The following IL17RD variants were observed in gnomAD, a reference collection of about 807,000 sequenced individuals.
IL17RD encodes interleukin 17 receptor D.
A neutral mutation model predicts 80.5 loss-of-function variants in IL17RD; 52 were observed. The ratio of observed to expected loss-of-function variants is 0.65; its 90% CI spans 0.52 to 0.81. The LOEUF (loss-of-function observed/expected upper bound fraction) is 0.81. IL17RD is among the 40% of genes least tolerant of loss of function. The pLI is 0.00. For synonymous variants in IL17RD, 416 were observed against 391.8 expected (o/e 1.06, Z -0.73); for missense variants, 1,024 against 955.1 (o/e 1.07, Z -0.95).
In IL17RD at chr3:57,093,141, T is replaced by C. The variant is rs181224704; in HGVS notation, c.*3252A>G. On this transcript the variant is annotated 3_prime_UTR_variant, in exon 13 of 13. Transcript: ENST00000296318. ...TTCCCTATTGCTGACACAGACAAAG[T>C]ATATTAATTACCATTTATCATCACA... is the stretch of plus-strand genomic sequence containing the variant. 6.6e-6 allele frequency: 1 copy of C among 152,270 alleles called. No homozygotes were observed. The highest frequency in any genetic ancestry group is 6.5e-5 in the Admixed American group (1 of 15,286). The allele number at this position is 152,270 out of a possible 1,614,324, so 9.4% of individuals were successfully genotyped here.
rs1017353321 is a variant in IL17RD at position 57,120,442 on chromosome 3, A to C, written c.127-129T>G. The stretch of plus-strand genomic sequence containing the variant: ...TCATGCCAGTCCCCGGACATCATCC[A>C]CCACTCTTTCTGCCCGCTTCATGGC... On this transcript the variant is annotated intron_variant, in intron 1 of 12. Transcript: ENST00000296318. The C allele has an allele frequency of 1.6e-5, 11 of 680,634 alleles. No individual in the cohort carries two copies. In the African/African-American group the frequency reaches 1.9e-4, roughly 12 times the overall value. The allele number at this position is 680,634 out of a possible 1,614,324, so 42.2% of individuals were successfully genotyped here.
chr3:57,168,997 C>T (rs923123441), upstream of IL17RD, among the ~76,000 whole-genome samples: 9 of 152,242 alleles, frequency 5.9e-5, 1 homozygote, highest in Non-Finnish European at 7.3e-5. Flanking sequence ...GGATTAAAGG[C>T]GTGAGCCGCC....
At chr3:57,167,092 C>T (rs2060351626), upstream of IL17RD, among the ~76,000 whole-genome samples, 1 of 152,226 alleles carries the variant, frequency 6.6e-6, no homozygotes, top group Non-Finnish European at 1.5e-5. Context: ...AAGTGTGAAA[C>T]AGTGCTTGCC....
intron 1 of IL17RD, among the ~76,000 whole-genome samples, chr3:57,130,936 C>A (rs544330213): frequency 6.6e-6 from 1 of 152,188 alleles, no homozygotes; most frequent in African/African-American, 2.4e-5. Flanking sequence ...TGAGGCCAGC[C>A]GCCTGGGAGC....
At chr3:57,139,529 T>C (rs1359334646) in intron 1 of IL17RD, among the ~76,000 whole-genome samples, 1 of 151,330 alleles carries the variant, frequency 6.6e-6, no homozygotes, top group Non-Finnish European at 1.5e-5. Context: ...TTTTTTTTTT[T>C]TTGAGACGGG....
rs146518310 is a variant in IL17RD at position 57,120,281 on chromosome 3, C to T, written c.159G>A (p.Leu53=). The T allele has an allele frequency of 6.8e-5, 110 of 1,613,606 alleles. No homozygotes were observed. In the African/African-American group the frequency reaches 9.5e-4, roughly 14 times the overall value. Residue 53 remains leucine (L), a synonymous_variant, in exon 2 of 13, where the codon CTG becomes CTA. Transcript: ENST00000296318. The stretch of plus-strand genomic sequence containing the variant: ...TGTCATATTTGAAGGTGATGTTGTA[C>T]AGCCCACTGTTTCTGCTGGCTGGCC... ...GVGPASRNSG[L]YNITFKYDNC...
At chr3:57,108,509 CTTTTTTTTTT>C (rs34594516) in intron 5 of IL17RD, among the ~76,000 whole-genome samples, 2 of 49,164 alleles carry the variant, frequency 4.1e-5, no homozygotes, top group East Asian at 7.8e-4. Flanking sequence ...TGATACATGG[CTTTTTTTTTT>C]TTTTTTTTTT....
intron 1 of IL17RD, among the ~76,000 whole-genome samples, chr3:57,160,390 A>T (rs920577259): frequency 2.0e-5 from 3 of 152,118 alleles, no homozygotes; most frequent in African/African-American, 7.2e-5. Flanking sequence ...TTTGTTGGGA[A>T]GTTGTAAGAT....
chr3:57,099,841 T>C (rs1706785635), intron 11 of IL17RD, among the ~76,000 whole-genome samples: 1 of 152,240 alleles, frequency 6.6e-6, no homozygotes, highest in Admixed American at 6.5e-5. Context: ...ATCATGTAGC[T>C]ATTTAAAATT....
chr3:57,123,108 G>A (rs1485542059), intron 1 of IL17RD, among the ~76,000 whole-genome samples: 1 of 152,210 alleles, frequency 6.6e-6, no homozygotes, highest in Non-Finnish European at 1.5e-5. Context: ...TCTCTGTGAT[G>A]TGTGTGGAAC....
At chr3:57,161,907 A>G (rs2060307714) in intron 1 of IL17RD, among the ~76,000 whole-genome samples, 1 of 152,216 alleles carries the variant, frequency 6.6e-6, no homozygotes, top group Non-Finnish European at 1.5e-5. Context: ...TTACTCAAAG[A>G]GCAACCTTAC....
At chr3:57,152,003 G>A (rs1355072764) in intron 1 of IL17RD, among the ~76,000 whole-genome samples, 2 of 152,150 alleles carry the variant, frequency 1.3e-5, no homozygotes, top group African/African-American at 4.8e-5. Flanking sequence ...GGGGAGCTGC[G>A]CAGACTCAGT....
intron 1 of IL17RD, among the ~76,000 whole-genome samples, chr3:57,147,382 G>A (rs898686886): frequency 1.3e-5 from 2 of 152,204 alleles, no homozygotes; most frequent in Admixed American, 6.5e-5. Flanking sequence ...GTAGCAAATG[G>A]TGGAGCTGGG....
intron 1 of IL17RD, among the ~76,000 whole-genome samples, chr3:57,157,247 C>T (rs376348553): frequency 6.6e-6 from 1 of 152,142 alleles, no homozygotes; most frequent in Non-Finnish European, 1.5e-5. Context: ...CTGCTTTTCA[C>T]GGGGGCAGTT....
At chr3:57,139,324 G>A (rs1338499062) in intron 1 of IL17RD, among the ~76,000 whole-genome samples, 1 of 152,076 alleles carries the variant, frequency 6.6e-6, no homozygotes, top group Non-Finnish European at 1.5e-5. Context: ...CAGGCTACGG[G>A]TAAAAGAATG....
intron 1 of IL17RD, among the ~76,000 whole-genome samples, chr3:57,159,029 A>G (rs1257256750): frequency 6.6e-6 from 1 of 152,146 alleles, no homozygotes; most frequent in Non-Finnish European, 1.5e-5. Flanking sequence ...AGGGTTTCCA[A>G]CTCACACAAT....
intron 11 of IL17RD, among the ~76,000 whole-genome samples, chr3:57,100,359 C>A (rs1706799666): frequency 6.6e-6 from 1 of 152,240 alleles, no homozygotes; most frequent in African/African-American, 2.4e-5. Context: ...GCAAAAACAA[C>A]TTCCAATCAC....
intron 1 of IL17RD, among the ~76,000 whole-genome samples, chr3:57,129,871 C>G (rs1707570695): frequency 6.6e-6 from 1 of 152,146 alleles, no homozygotes; most frequent in African/African-American, 2.4e-5. Context: ...GTGGCTTTCC[C>G]CCACTTTCTC....
chr3:57,108,930 A>G (rs951402874), intron 5 of IL17RD, among the ~76,000 whole-genome samples: 2 of 152,146 alleles, frequency 1.3e-5, no homozygotes, highest in East Asian at 1.9e-4. Flanking sequence ...GAGCATAGGC[A>G]TGTGCTGTGC....
Sources: gnomAD v4.1 joint callset for allele counts (sites outside exome capture counted in the v4.1 genomes callset) on GRCh38, gnomAD v4.1.1 for gene constraint, MANE v1.5 for transcripts, NCBI Gene and HGNC (gene_info 2026-07-23, HGNC 2026-07-21) for gene names.